CTSB: variants seen among roughly 807,000 people sequenced by gnomAD.
CTSB encodes the protein APP secretase.
In CTSB, 57 loss-of-function variants were observed where a neutral mutation model predicts 44.3. That is an observed-to-expected ratio of 1.29 (90% confidence interval 1.04 to 1.60). CTSB has a LOEUF of 1.60. Among genes scored for constraint, CTSB ranks in the 40% most tolerant of loss-of-function variants. The pLI, the probability that CTSB is intolerant of heterozygous loss-of-function variation, is 0.00. For missense variants in CTSB, 768 were observed against 443.0 expected (o/e 1.73, Z -6.59); for synonymous variants, 320 against 168.0 (o/e 1.91, Z -7.00).
At chr8:11,859,568 C>G (rs1262389849) in intron 1 of CTSB, among the ~76,000 whole-genome samples, 1 of 151,762 alleles carries the variant, frequency 6.6e-6, no homozygotes, top group East Asian at 1.9e-4. Flanking sequence ...CGAGACCAGC[C>G]TGTCTCTACT....
intron 6 of CTSB, 73 bp from the exon 7 acceptor site, chr8:11,847,895 G>T: frequency 7.0e-7 from 1 of 1,430,026 alleles, no homozygotes; most frequent in South Asian, 1.3e-5. Flanking sequence ...GGCAAGCCTC[G>T]TGCCTGCAGC....
chr8:11,849,098 C>T lies in CTSB; in HGVS notation c.394G>A (p.Glu132Lys). The T allele has an allele frequency of 6.2e-7, 1 of 1,613,654 alleles. No individual in the cohort carries two copies. Among genetic ancestry groups the T allele is most frequent in the East Asian group, 2.2e-5 (1 of 44,862 alleles). ...CIHTNAHVSV[E>K]VSAEDLLTCC... ...GTGAGCAGGTCCTCCGCCGACACCT[C>T]CACGCTGACGTGCGCATTGGTGTGG... is the stretch of plus-strand genomic sequence containing the variant. Residue 132 changes from glutamate (E) to lysine (K), a missense_variant, in exon 5 of 10, where the codon GAG becomes AAG. Physicochemically the swap from Glu to Lys is moderately conservative, Grantham distance 56. Coordinates refer to ENST00000353047, the MANE Select transcript of CTSB (RefSeq NM_001908.5).
intron 3 of CTSB, among the ~76,000 whole-genome samples, chr8:11,852,097 G>T (rs544788865): frequency 6.6e-6 from 1 of 152,202 alleles, no homozygotes; most frequent in African/African-American, 2.4e-5. Flanking sequence ...AACACTGGGG[G>T]TGGCTCATGC....
intron 1 of CTSB, chr8:11,867,599 G>A (rs933050270): frequency 2.0e-5 from 3 of 152,250 alleles, no homozygotes; most frequent in Non-Finnish European, 4.4e-5. Flanking sequence ...TTGGCCCGGA[G>A]ACACCGAGGC....
intron 1 of CTSB, among the ~76,000 whole-genome samples, chr8:11,855,154 C>T (rs1016624838): frequency 6.6e-6 from 1 of 152,072 alleles, no homozygotes; most frequent in African/African-American, 2.4e-5. Context: ...TCCCGAGCAG[C>T]GGGATTACAG....
At position 11,847,809 on chromosome 8, in the gene CTSB, G is replaced by A. The variant is rs1363686497; in HGVS notation, c.546C>T (p.Tyr182=). The stretch of plus-strand genomic sequence containing the variant: ...CGTGGTGCTCACAGGGAGGGATGGA[G>A]TACGGTCTGCACCCTGATGGGACGC... ...LYESHVGCRP[Y]SIPPCEHHVN... Residue 182 remains tyrosine (Y), a synonymous_variant, in exon 7 of 10, where the codon TAC becomes TAT. Transcript: ENST00000353047. 3 of 1,597,564 alleles carry A rather than the reference G, an allele frequency of 1.9e-6. No homozygotes were observed. The highest frequency in any genetic ancestry group is 2.6e-6 in the Non-Finnish European group (3 of 1,175,446).
At position 11,850,438 on chromosome 8, in the gene CTSB, A is replaced by AAAC. The variant is rs1554545309; in HGVS notation, c.327+427_327+428insGTT. On this transcript the variant is annotated intron_variant, in intron 4 of 9. Coordinates refer to ENST00000353047, the MANE Select transcript of CTSB (RefSeq NM_001908.5). ...CATCTCCAAAAAAAAAAAAAAAAAA[A>AAAC]AAAGAAAGAAAAAGAAAACAAAAGA... Among the ~76,000 whole-genome samples the AAAC allele has an allele frequency of 3.2e-3, 223 of 69,054 alleles. 2 individuals carry two copies. Among genetic ancestry groups the AAAC allele is most frequent in the African/African-American group, 0.011 (217 of 19,182 alleles). The allele number at this position is 69,054 out of a possible 152,430, so 45.3% of individuals were successfully genotyped here.
intron 2 of CTSB, 151 bp from the exon 3 acceptor site, chr8:11,852,846 G>A (rs1814844740): frequency 3.0e-6 from 2 of 669,380 alleles, no homozygotes. Flanking sequence ...ACAGCCCAGA[G>A]TGACACACGG....
chr8:11,856,457 C>T (rs529319856), intron 1 of CTSB, among the ~76,000 whole-genome samples: 6 of 151,976 alleles, frequency 3.9e-5, no homozygotes, highest in Admixed American at 3.9e-4. Context: ...CTACTAAATA[C>T]AAAAAATTAG....
At chr8:11,854,725 C>A (rs1198960068) in intron 1 of CTSB, 1 of 152,228 alleles carries the variant, frequency 6.6e-6, no homozygotes, top group Non-Finnish European at 1.5e-5. Context: ...AGGTGATCCA[C>A]TGGCCTCAGC....
rs374071844 is a variant in CTSB, at chr8:11,849,153, A to G, written c.339T>C (p.Ala113=). The G allele has an allele frequency of 1.2e-6, 2 of 1,612,280 alleles. No individual in the cohort carries two copies. Among genetic ancestry groups the G allele is most frequent in the Non-Finnish European group, 1.7e-6 (2 of 1,179,612 alleles). The change falls in exon 5 of 10, where the codon GCT becomes GCC. Residue 113 remains alanine (A), a synonymous_variant. Transcript: ENST00000353047. ...AGATCCGGTCAGAGATGGCTTCCAC[A>G]GCCCCGAAGGCCTGCAGGAACGAGC... ...GSCGSCWAFG[A]VEAISDRICI...
chr8:11,867,156 C>G (rs1244746900), intron 1 of CTSB: 6 of 152,414 alleles, frequency 3.9e-5, no homozygotes, highest in African/African-American at 1.4e-4. Context: ...CAATTCACTT[C>G]CACCTGGGTC....
At chr8:11,864,107 G>A (rs1338571087) in intron 1 of CTSB, among the ~76,000 whole-genome samples, 2 of 152,188 alleles carry the variant, frequency 1.3e-5, no homozygotes, top group South Asian at 4.1e-4. Flanking sequence ...GAGTGAAAAA[G>A]GATCCATGTA....
chr8:11,847,177 T>G lies in CTSB; in HGVS notation c.677-9A>C. ...GCTGTAGGAATTGTATCCTGGAAAA[T>G]GAACCGAGCTCGGGGTTGGGGAGGG... On this transcript the variant is annotated splice_polypyrimidine_tract_variant and intron_variant, in intron 7 of 9. Coordinates refer to ENST00000353047, the MANE Select transcript of CTSB (RefSeq NM_001908.5). The G allele has an allele frequency of 4.4e-6, 7 of 1,578,290 alleles. No homozygotes were observed. The highest frequency in any genetic ancestry group is 6.1e-6 in the Non-Finnish European group (7 of 1,148,128).
rs552164204 is a variant in CTSB at position 11,847,292 on chromosome 8, C to T, written c.677-124G>A. 477 of 695,358 alleles carry T rather than the reference C, an allele frequency of 6.9e-4. 4 individuals are homozygous for T. The South Asian group carries it at 7.6e-3, about 11-fold the overall frequency. The allele number at this position is 695,358 out of a possible 1,614,324, so 43.1% of individuals were successfully genotyped here. On this transcript the variant is annotated intron_variant, in intron 7 of 9. Coordinates refer to ENST00000353047, the MANE Select transcript of CTSB (RefSeq NM_001908.5). Reference sequence around the variant, plus strand: ...AAGACTGCATCTAAGGGGACTTGCCCTGCCAGGGGAGCTCAAGGAAGGCTC... The same window carrying T: ...AAGACTGCATCTAAGGGGACTTGCCTTGCCAGGGGAGCTCAAGGAAGGCTC...
chr8:11,845,714 C>G lies in CTSB; in HGVS notation c.869G>C (p.Gly290Ala). 2 of 1,614,128 alleles carry G rather than the reference C, an allele frequency of 1.2e-6. No homozygotes were observed. Among genetic ancestry groups the G allele is most frequent in the Non-Finnish European group, 1.7e-6 (2 of 1,179,952 alleles). Reference sequence around the variant, plus strand: ...GTTGGCAACCAGCCAGTAGGGTGTGCCATTCTCCACTCCCCAGCCCAGGAT... The same window carrying G: ...GTTGGCAACCAGCCAGTAGGGTGTGGCATTCTCCACTCCCCAGCCCAGGAT... The part of the protein sequence containing the change: ...IRILGWGVEN[G>A]TPYWLVANSW... The change falls in exon 9 of 10, where the codon GGC becomes GCC. Residue 290 changes from glycine (G) to alanine (A), a missense_variant. Physicochemically the swap from Gly to Ala is moderately conservative, Grantham distance 60. Transcript: ENST00000353047.
chr8:11,859,293 G>A (rs530613473), intron 1 of CTSB, among the ~76,000 whole-genome samples: 3 of 152,054 alleles, frequency 2.0e-5, no homozygotes, highest in South Asian at 2.1e-4. Context: ...TTCCTCCCCC[G>A]GCAAACGGCA....
At chr8:11,867,671 AG>A (rs1817361898) in intron 1 of CTSB, 1 of 152,194 alleles carries the variant, frequency 6.6e-6, no homozygotes, top group African/African-American at 2.4e-5. Context: ...TCTTCCTCGC[AG>A]GCGCCTCCCT....
intron 5 of CTSB, 38 bp from the exon 6 acceptor site, chr8:11,848,190 G>T: frequency 6.4e-7 from 1 of 1,562,222 alleles, no homozygotes; most frequent in East Asian, 2.2e-5. Flanking sequence ...TCTGAGAGAA[G>T]CACCACCAGC....
Sources: allele counts gnomAD v4.1 joint callset (sites outside exome capture counted in the v4.1 genomes callset), GRCh38; gene constraint gnomAD v4.1.1; transcripts MANE v1.5; gene names NCBI Gene and HGNC (gene_info 2026-07-23, HGNC 2026-07-21).